PCDH7: variants seen among roughly 807,000 people sequenced by gnomAD.
The protein encoded by PCDH7 is protocadherin 7, also known as protocadherin-7.
A neutral mutation model predicts 58.9 loss-of-function variants in PCDH7; 17 were observed. That is an observed-to-expected ratio of 0.29 (90% CI 0.20 to 0.43). The LOEUF (loss-of-function observed/expected upper bound fraction) is 0.43. Ranked by LOEUF, PCDH7 falls within the 20% of genes least tolerant of loss-of-function variation. The probability of loss-of-function intolerance (pLI) is 1.00; values close to 1 mark genes in which losing one functional copy is unlikely to be tolerated. For synonymous variants in PCDH7, 664 were observed against 616.4 expected, an observed-to-expected ratio of 1.08 and a Z score of -1.14; for missense variants, 1,274 against 1,441.0, an observed-to-expected ratio of 0.88 and a Z score of 1.88.
At chr4:31,103,237 T>G (rs1715122745) in intron 3 of PCDH7, among the ~76,000 whole-genome samples, 1 of 152,214 alleles carries the variant, frequency 6.6e-6, no homozygotes, top group Admixed American at 6.5e-5. Flanking sequence ...CTTGCAGTGT[T>G]TCTATAATTA....
At chr4:31,122,604 A>ATTAT (rs943470336) in intron 3 of PCDH7, among the ~76,000 whole-genome samples, 2 of 151,910 alleles carry the variant, frequency 1.3e-5, no homozygotes, top group African/African-American at 4.8e-5. Flanking sequence ...GATTCTTCAA[A>ATTAT]TTATTTTTTT....
intron 2 of PCDH7, among the ~76,000 whole-genome samples, chr4:30,941,132 TG>T (rs1745988774): frequency 6.6e-6 from 1 of 151,952 alleles, no homozygotes; most frequent in Non-Finnish European, 1.5e-5. Context: ...AGTAAGTGTC[TG>T]GGATGCTTTA....
chr4:30,896,954 G>C (rs1185274071), intron 1 of PCDH7, among the ~76,000 whole-genome samples: 1 of 122,650 alleles, frequency 8.2e-6, no homozygotes, highest in Non-Finnish European at 1.6e-5. Flanking sequence ...ACCCAGGCTG[G>C]AGTGCAGTGG....
At chr4:30,768,022 T>C (rs764968221) in intron 1 of PCDH7, among the ~76,000 whole-genome samples, 12 of 152,186 alleles carry the variant, frequency 7.9e-5, no homozygotes, top group Non-Finnish European at 1.5e-4. Flanking sequence ...CATTGTTTAA[T>C]AATTTTAATA....
rs565137309 is a variant in PCDH7, at chr4:30,969,192, C to G, written c.*7+18977C>G. ...CAACGTCCATCCTGAATGTTCCATGCCCTTGCCGTACCAGCTAGTTAAAGA... is the reference window on the plus strand; with the variant it reads ...CAACGTCCATCCTGAATGTTCCATGGCCTTGCCGTACCAGCTAGTTAAAGA... On this transcript the variant is annotated intron_variant, in intron 3 of 3. Coordinates refer to the PCDH7 transcript ENST00000509759. 3.3e-5 allele frequency among the ~76,000 whole-genome samples: 5 copies of G among 152,240 alleles called. No homozygotes were observed. In the East Asian group the frequency reaches 9.7e-4, roughly 30 times the overall value.
intron 1 of PCDH7, among the ~76,000 whole-genome samples, chr4:30,805,975 A>G (rs1198077758): frequency 6.6e-6 from 1 of 152,206 alleles, no homozygotes; most frequent in Non-Finnish European, 1.5e-5. Flanking sequence ...AGATTTTAGA[A>G]TATTGCATTG....
intron 1 of PCDH7, among the ~76,000 whole-genome samples, chr4:30,906,856 C>A (rs1020396702): frequency 6.6e-6 from 1 of 151,866 alleles, no homozygotes; most frequent in Non-Finnish European, 1.5e-5. Context: ...AACCCTGTAC[C>A]TACTAAAAAT....
chr4:31,105,324 T>G (rs1409646332), intron 3 of PCDH7, among the ~76,000 whole-genome samples: 1 of 152,172 alleles, frequency 6.6e-6, no homozygotes, highest in African/African-American at 2.4e-5. Flanking sequence ...CAATATTCTA[T>G]TTAACATAAT....
At chr4:30,797,900 G>A (rs1425643432) in intron 1 of PCDH7, among the ~76,000 whole-genome samples, 3 of 152,132 alleles carry the variant, frequency 2.0e-5, no homozygotes, top group Non-Finnish European at 4.4e-5. Context: ...GGGTCTTACA[G>A]TTGAGGTAAT....
chr4:30,724,023 T>C, exon 1 of PCDH7: 1 of 1,614,032 alleles, frequency 6.2e-7, no homozygotes, highest in Non-Finnish European at 8.5e-7. Flanking sequence ...ATATAGCTGG[T>C]GACCCAAGCT....
chr4:30,732,242 A>T (rs1429978305), exon 2 of PCDH7: 1 of 152,200 alleles, frequency 6.6e-6, no homozygotes, highest in Non-Finnish European at 1.5e-5. Context: ...TGTTTTGAAC[A>T]CAAGGACTAG....
chr4:30,827,793 G>A (rs548292508), intron 1 of PCDH7, among the ~76,000 whole-genome samples: 5 of 152,020 alleles, frequency 3.3e-5, no homozygotes, highest in South Asian at 2.1e-4. Flanking sequence ...TCTAGTATGT[G>A]CATAGATGTC....
intron 3 of PCDH7, among the ~76,000 whole-genome samples, chr4:31,077,328 G>C (rs546172351): frequency 1.3e-5 from 2 of 150,062 alleles, no homozygotes; most frequent in Admixed American, 6.7e-5. Flanking sequence ...AGAATCACTT[G>C]AGCCCAGGAG....
intron 1 of PCDH7, among the ~76,000 whole-genome samples, chr4:30,738,415 A>C (rs1329204455): frequency 1.3e-5 from 2 of 152,076 alleles, no homozygotes. Context: ...AAAAGGTACA[A>C]TTACTATCGT....
At chr4:30,997,165 A>G (rs1181716953) in intron 3 of PCDH7, among the ~76,000 whole-genome samples, 2 of 152,020 alleles carry the variant, frequency 1.3e-5, no homozygotes, top group Non-Finnish European at 2.9e-5. Flanking sequence ...GGGAAAATTT[A>G]CCAGCTAAAG....
exon 4 of PCDH7, chr4:31,142,588 G>A (rs759717045): frequency 7.3e-7 from 1 of 1,367,736 alleles, no homozygotes; most frequent in East Asian, 4.6e-5. Context: ...AGAGGAAGAA[G>A]AGCCAGCCTA....
At chr4:30,875,789 A>G (rs537999738) in intron 1 of PCDH7, among the ~76,000 whole-genome samples, 1 of 152,210 alleles carries the variant, frequency 6.6e-6, no homozygotes, top group South Asian at 2.1e-4. Flanking sequence ...CCAATTTTCT[A>G]TGAATCTTCT....
chr4:30,999,394 C>T (rs1222113939), intron 3 of PCDH7, among the ~76,000 whole-genome samples: 1 of 152,006 alleles, frequency 6.6e-6, no homozygotes, highest in Admixed American at 6.6e-5. Context: ...ACAAAATTTC[C>T]TTTGATTTAT....
intron 1 of PCDH7, among the ~76,000 whole-genome samples, chr4:30,781,754 T>C (rs1194856291): frequency 6.6e-6 from 1 of 151,928 alleles, no homozygotes; most frequent in Non-Finnish European, 1.5e-5. Flanking sequence ...CAGACTTGTC[T>C]TGAACTCCCG....
Sources: allele counts gnomAD v4.1 joint callset (sites outside exome capture counted in the v4.1 genomes callset), GRCh38; gene constraint gnomAD v4.1.1; transcripts MANE v1.5; gene names NCBI Gene and HGNC (gene_info 2026-07-23, HGNC 2026-07-21).